The following FNDC3A variants were observed in gnomAD, a reference collection of about 807,000 sequenced individuals.
FNDC3A encodes the protein fibronectin type III domain containing 3A.
FNDC3A carries 32 observed loss-of-function variants against 148.9 expected under a neutral mutation model. The observed-to-expected ratio is 0.21, with a 90% CI of 0.16 to 0.29. The LOEUF (loss-of-function observed/expected upper bound fraction) is 0.29, where lower values mean the gene tolerates loss of function less well. FNDC3A is among the 10% of genes least tolerant of loss of function. The pLI is 1.00. For missense variants in FNDC3A, 1,191 were observed against 1,452.8 expected (o/e 0.82, Z 2.93); for synonymous variants, 472 against 473.6 (o/e 1.00, Z 0.04).
chr13:49,142,140 C>T (rs962098229), intron 7 of FNDC3A, among the ~76,000 whole-genome samples: 3 of 152,164 alleles, frequency 2.0e-5, no homozygotes, highest in Admixed American at 6.5e-5. Flanking sequence ...TCTATATTTT[C>T]GATCCTAATT....
intron 1 of FNDC3A, among the ~76,000 whole-genome samples, chr13:48,981,659 A>G (rs1457887021): frequency 1.3e-5 from 2 of 152,150 alleles, no homozygotes; most frequent in East Asian, 3.8e-4. Context: ...CAGATGAACT[A>G]TACTTCTGAT....
intron 4 of FNDC3A, among the ~76,000 whole-genome samples, chr13:49,119,377 A>G (rs1881185049): frequency 6.6e-6 from 1 of 152,206 alleles, no homozygotes; most frequent in Admixed American, 6.5e-5. Flanking sequence ...AGGTAGATAA[A>G]TCCATGAAGA....
chr13:49,132,559 A>G (rs1421719918), intron 5 of FNDC3A, among the ~76,000 whole-genome samples: 1 of 152,226 alleles, frequency 6.6e-6, no homozygotes, highest in East Asian at 1.9e-4. Flanking sequence ...ATATTCTGAC[A>G]TCTAAAAATA....
At chr13:49,187,295 A>G in intron 16 of FNDC3A, 105 bp downstream of exon 16, 1 of 982,846 alleles carries the variant, frequency 1.0e-6, no homozygotes, top group Non-Finnish European at 1.5e-6. Context: ...CTTGCTTTTC[A>G]TAAGGTACAC....
At chr13:49,077,173 T>C (rs962459888) in intron 3 of FNDC3A, among the ~76,000 whole-genome samples, 1 of 152,166 alleles carries the variant, frequency 6.6e-6, no homozygotes, top group African/African-American at 2.4e-5. Flanking sequence ...ACTCGAGAGA[T>C]AAGGTTGGAA....
chr13:49,205,966 G>A (rs1223664172), intron 25 of FNDC3A, among the ~76,000 whole-genome samples: 2 of 152,146 alleles, frequency 1.3e-5, no homozygotes, highest in Non-Finnish European at 2.9e-5. Flanking sequence ...AGGTACAATT[G>A]AGGCAGCTAA....
intron 1 of FNDC3A, among the ~76,000 whole-genome samples, chr13:49,004,545 G>A (rs1317529115): frequency 6.6e-6 from 1 of 151,964 alleles, no homozygotes; most frequent in Non-Finnish European, 1.5e-5. Flanking sequence ...AATAGCACTA[G>A]TATTGGAATG....
intron 23 of FNDC3A, 122 bp downstream of exon 23, chr13:49,198,696 C>A: frequency 1.3e-6 from 1 of 758,472 alleles, no homozygotes; most frequent in Non-Finnish European, 2.2e-6. Context: ...CTTTGGGAGG[C>A]TGAGGCAGGC....
At chr13:49,190,917 G>A in intron 17 of FNDC3A, 98 bp from the exon 18 acceptor site, 1 of 712,764 alleles carries the variant, frequency 1.4e-6, no homozygotes, top group Admixed American at 2.9e-5. Context: ...CAAATTATCA[G>A]TGCAATATTT....
chr13:49,207,023 A>G, intron 25 of FNDC3A, 58 bp from the exon 26 acceptor site: 1 of 1,275,752 alleles, frequency 7.8e-7, no homozygotes, highest in Non-Finnish European at 1.1e-6. Context: ...AGCCAGTTTT[A>G]ACACATTTTC....
intron 2 of FNDC3A, among the ~76,000 whole-genome samples, chr13:49,030,024 C>T (rs1192636172): frequency 6.6e-6 from 1 of 152,052 alleles, no homozygotes. Flanking sequence ...TGGTGAATTC[C>T]ACCAAATGTT....
At chr13:49,111,618 C>T (rs1485066944) in intron 3 of FNDC3A, among the ~76,000 whole-genome samples, 4 of 151,250 alleles carry the variant, frequency 2.6e-5, no homozygotes, top group Admixed American at 1.3e-4. Context: ...CCCAGCTACT[C>T]GGGAGGCTGA....
intron 3 of FNDC3A, among the ~76,000 whole-genome samples, chr13:49,086,476 G>A (rs1263159217): frequency 6.6e-6 from 1 of 152,108 alleles, no homozygotes; most frequent in Non-Finnish European, 1.5e-5. Context: ...TGTCTTAAAT[G>A]TATTTTAATA....
intron 8 of FNDC3A, among the ~76,000 whole-genome samples, chr13:49,163,126 C>T (rs1446701783): frequency 6.6e-6 from 1 of 152,204 alleles, no homozygotes; most frequent in Admixed American, 6.5e-5. Flanking sequence ...CTTCTCGGAT[C>T]TCAAACTCCG....
At chr13:49,160,042 A>G (rs1307818782) in intron 8 of FNDC3A, among the ~76,000 whole-genome samples, 1 of 152,112 alleles carries the variant, frequency 6.6e-6, no homozygotes, top group African/African-American at 2.4e-5. Context: ...GAGGATTTTC[A>G]CATCGATGTT....
chr13:49,177,096 C>T (rs1363222864), intron 13 of FNDC3A, among the ~76,000 whole-genome samples: 1 of 152,162 alleles, frequency 6.6e-6, no homozygotes, highest in Non-Finnish European at 1.5e-5. Flanking sequence ...CTGTGCCCAG[C>T]CTGAAAACTC....
chr13:49,058,343 C>T (rs1361230912), intron 2 of FNDC3A, among the ~76,000 whole-genome samples: 1 of 152,034 alleles, frequency 6.6e-6, no homozygotes, highest in Non-Finnish European at 1.5e-5. Flanking sequence ...TGCAAATAAC[C>T]GATTAGGTCA....
At chr13:49,019,748 T>A (rs1288612689) in intron 2 of FNDC3A, among the ~76,000 whole-genome samples, 1 of 152,254 alleles carries the variant, frequency 6.6e-6, no homozygotes, top group Non-Finnish European at 1.5e-5. Context: ...TTTCTTGGAT[T>A]TTATTTTTAG....
rs767872755 is a variant in FNDC3A at position 49,201,835 on chromosome 13, A to G, written c.3023A>G (p.Tyr1008Cys). The G allele has an allele frequency of 1.3e-5, 21 of 1,569,994 alleles. No homozygotes were observed. The highest frequency in any genetic ancestry group is 1.8e-5 in the Non-Finnish European group (21 of 1,156,304). The change falls in exon 24 of 26, where the codon TAC becomes TGC. Residue 1008 changes from tyrosine to cysteine, a missense_variant. Tyr to Cys is a radical substitution (Grantham distance 194). Around this residue, in one of 3 missense-constraint regions of FNDC3A, gnomAD observed 751 missense variants for 944.0 expected, o/e 0.80. Coordinates refer to ENST00000492622, the MANE Select transcript of FNDC3A (RefSeq NM_001079673.2). ...CTATACAGAGGACCATGTCATACAT[A>G]CAAAGTACAAAGACTTAATGAGTCA... Reference protein sequence around the residue: ...VSLYRGPCHTYKVQRLNESTS... With the variant: ...VSLYRGPCHTCKVQRLNESTS...
Sources: allele counts gnomAD v4.1 joint callset (sites outside exome capture counted in the v4.1 genomes callset), GRCh38; gene constraint gnomAD v4.1.1; regional missense constraint gnomAD v4.1.1; transcripts MANE v1.5; gene names NCBI Gene and HGNC (gene_info 2026-07-23, HGNC 2026-07-21).